LSAMP: variants seen among roughly 807,000 people sequenced by gnomAD.
LSAMP encodes the protein limbic system-associated membrane protein.
Under a neutral mutation model 38.6 loss-of-function variants are expected in LSAMP, and 7 were observed. The ratio of observed to expected loss-of-function variants is 0.18; its 90% confidence interval spans 0.10 to 0.34. The LOEUF (loss-of-function observed/expected upper bound fraction) is 0.34, where lower values mean the gene tolerates loss of function less well. LSAMP is among the 10% of genes least tolerant of loss of function. LSAMP has a pLI of 1.00. For missense variants in LSAMP, 313 were observed against 420.0 expected, an observed-to-expected ratio of 0.75 and a Z score of 2.23; for synonymous variants, 154 against 166.8, an observed-to-expected ratio of 0.92 and a Z score of 0.59.
At chr3:116,303,315 G>A (rs1288561899) in intron 1 of LSAMP, among the ~76,000 whole-genome samples, 1 of 152,104 alleles carries the variant, frequency 6.6e-6, no homozygotes, top group East Asian at 1.9e-4. Context: ...AATTAAAGAT[G>A]AACATCATTT....
chr3:116,269,168 T>A (rs2046936520), intron 1 of LSAMP, among the ~76,000 whole-genome samples: 2 of 152,196 alleles, frequency 1.3e-5, no homozygotes, highest in South Asian at 4.1e-4. Flanking sequence ...CAAGGGAACA[T>A]GATGAAGAGA....
intron 2 of LSAMP, among the ~76,000 whole-genome samples, chr3:116,038,265 T>A (rs1038822447): frequency 2.6e-5 from 4 of 152,162 alleles, no homozygotes; most frequent in African/African-American, 9.7e-5. Context: ...GCGTGTGAAA[T>A]ACATGATGTC....
chr3:116,027,654 G>A (rs999805605), intron 2 of LSAMP, among the ~76,000 whole-genome samples: 4 of 152,106 alleles, frequency 2.6e-5, no homozygotes, highest in Non-Finnish European at 4.4e-5. Context: ...TTTGTTGCAC[G>A]TTAAGCATTG....
At chr3:116,010,938 G>C (rs1327492037) in intron 3 of LSAMP, among the ~76,000 whole-genome samples, 2 of 152,098 alleles carry the variant, frequency 1.3e-5, no homozygotes, top group Non-Finnish European at 2.9e-5. Flanking sequence ...TCAATAACTT[G>C]GTTGATTGAT....
At chr3:116,270,182 T>G (rs933777460) in intron 1 of LSAMP, among the ~76,000 whole-genome samples, 13 of 152,256 alleles carry the variant, frequency 8.5e-5, no homozygotes, top group African/African-American at 3.1e-4. Flanking sequence ...CATGTCCTAA[T>G]AAGTATGTCA....
intron 1 of LSAMP, among the ~76,000 whole-genome samples, chr3:116,422,398 T>C (rs1336931989): frequency 6.6e-6 from 1 of 152,238 alleles, no homozygotes; most frequent in Non-Finnish European, 1.5e-5. Flanking sequence ...GTATCAGGTA[T>C]TATAAATAAT....
intron 1 of LSAMP, among the ~76,000 whole-genome samples, chr3:116,278,635 G>T (rs939658407): frequency 6.6e-6 from 1 of 152,074 alleles, no homozygotes; most frequent in African/African-American, 2.4e-5. Flanking sequence ...TGTGGCCTTA[G>T]ATAATGACAG....
chr3:115,982,583 T>C (rs1939393262), intron 3 of LSAMP, among the ~76,000 whole-genome samples: 1 of 152,196 alleles, frequency 6.6e-6, no homozygotes, highest in South Asian at 2.1e-4. Context: ...CTACACTCTG[T>C]GACTAGTTTC....
chr3:116,208,914 G>T (rs1576433670), intron 1 of LSAMP, among the ~76,000 whole-genome samples: 1 of 152,240 alleles, frequency 6.6e-6, no homozygotes, highest in Admixed American at 6.5e-5. Context: ...TCCTTGAGCT[G>T]TGGTGGGCTC....
chr3:116,353,699 A>G (rs956159784), intron 1 of LSAMP, among the ~76,000 whole-genome samples: 4 of 152,126 alleles, frequency 2.6e-5, no homozygotes, highest in Non-Finnish European at 4.4e-5. Context: ...GTATAGGGAT[A>G]TTATATAATA....
At chr3:115,857,102 T>C (rs938521) in intron 3 of LSAMP, among the ~76,000 whole-genome samples, 41,349 of 152,114 alleles carry the variant, frequency 0.27, 8,360 homozygotes, top group African/African-American at 0.56. Flanking sequence ...GGCCATGTCC[T>C]GAGGAATTAT....
At position 115,810,713 on chromosome 3, in the gene LSAMP, T is replaced by C. The variant is rs555385876; in HGVS notation, c.920-299A>G. Among the ~76,000 whole-genome samples, 5 of 152,304 alleles carry C rather than the reference T, an allele frequency of 3.3e-5. No individual in the cohort carries two copies. In the East Asian group the frequency reaches 9.7e-4, roughly 29 times the overall value. On this transcript the variant is annotated intron_variant, in intron 6 of 6. Transcript: ENST00000490035. Reference sequence around the variant, plus strand: ...TGTCTGATGGTACAGCAGGCTCCTGTTCACCCAGCCTCCTCCTGTTGGCCC... The same window carrying C: ...TGTCTGATGGTACAGCAGGCTCCTGCTCACCCAGCCTCCTCCTGTTGGCCC...
At chr3:116,183,743 G>A (rs1040190063) in intron 1 of LSAMP, among the ~76,000 whole-genome samples, 5 of 151,552 alleles carry the variant, frequency 3.3e-5, no homozygotes, top group Non-Finnish European at 7.4e-5. Flanking sequence ...CACCTATAAA[G>A]GTTTCTAAGA....
At chr3:116,326,498 G>A (rs2047774999) in intron 1 of LSAMP, among the ~76,000 whole-genome samples, 1 of 152,022 alleles carries the variant, frequency 6.6e-6, no homozygotes, top group Non-Finnish European at 1.5e-5. Flanking sequence ...AGAGTGCAAT[G>A]CAGCAATGGG....
chr3:116,271,503 C>T (rs539486641), intron 1 of LSAMP, among the ~76,000 whole-genome samples: 1 of 152,208 alleles, frequency 6.6e-6, no homozygotes, highest in African/African-American at 2.4e-5. Flanking sequence ...CAGGTTCTAT[C>T]ACTCCCAGTT....
At chr3:115,940,771 T>A (rs1265804778) in intron 3 of LSAMP, among the ~76,000 whole-genome samples, 2 of 152,236 alleles carry the variant, frequency 1.3e-5, no homozygotes, top group Non-Finnish European at 2.9e-5. Flanking sequence ...TCTATGTGTC[T>A]GCTTTCATGC....
intron 3 of LSAMP, among the ~76,000 whole-genome samples, chr3:115,865,222 C>T (rs941680858): frequency 6.6e-6 from 1 of 152,082 alleles, no homozygotes; most frequent in African/African-American, 2.4e-5. Flanking sequence ...CCATTTTGAC[C>T]ATAATTATTT....
intron 1 of LSAMP, among the ~76,000 whole-genome samples, chr3:116,160,618 T>C (rs1563934): frequency 0.97 from 147,819 of 152,282 alleles, 71,886 homozygotes; most frequent in East Asian, 1. Context: ...ACCTGTGACA[T>C]GCAATTTACT....
chr3:115,976,141 CA>C (rs1343061702), intron 3 of LSAMP, among the ~76,000 whole-genome samples: 3 of 152,178 alleles, frequency 2.0e-5, no homozygotes, highest in African/African-American at 7.2e-5. Flanking sequence ...TTTGTGGCTG[CA>C]TGATTAGTCT....
Sources: gnomAD v4.1 joint callset for allele counts (sites outside exome capture counted in the v4.1 genomes callset) on GRCh38, gnomAD v4.1.1 for gene constraint, MANE v1.5 for transcripts, NCBI Gene and HGNC (gene_info 2026-07-23, HGNC 2026-07-21) for gene names.